CAST: variants seen among roughly 807,000 people sequenced by gnomAD.
The protein encoded by CAST is MIR583 host.
In CAST, 76 loss-of-function variants were observed where a neutral mutation model predicts 119.6. That is an observed-to-expected ratio of 0.64 (90% CI 0.53 to 0.77). The LOEUF (loss-of-function observed/expected upper bound fraction) is 0.77, where lower values mean the gene tolerates loss of function less well. Among genes scored for constraint, CAST ranks in the 30% least tolerant of loss-of-function variants. CAST has a pLI of 0.00. For missense variants in CAST, 953 were observed against 946.5 expected, an observed-to-expected ratio of 1.01 and a Z score of -0.09; for synonymous variants, 319 against 331.6, an observed-to-expected ratio of 0.96 and a Z score of 0.41.
At chr5:96,160,527 G>T in the CAST span, among the ~76,000 whole-genome samples, 1 of 151,966 alleles carries the variant, frequency 6.6e-6, no homozygotes, top group South Asian at 2.1e-4. Context: ...ATACTTTTAG[G>T]TTGTTTTCAC....
At chr5:96,419,380 CTTA>C in the CAST span, among the ~76,000 whole-genome samples, 1 of 120,534 alleles carries the variant, frequency 8.3e-6, no homozygotes, top group African/African-American at 3.4e-5. Flanking sequence ...TTATATAATA[CTTA>C]TTATATATAT....
chr5:96,754,613 G>C, intron 21 of CAST, 45 bp from the exon 22 acceptor site: 1 of 1,162,222 alleles, frequency 8.6e-7, no homozygotes, highest in East Asian at 2.3e-5. Context: ...ATTTTATGGA[G>C]AGAAAAAAAC....
At chr5:96,087,868 T>C in the CAST span, among the ~76,000 whole-genome samples, 1 of 152,226 alleles carries the variant, frequency 6.6e-6, no homozygotes, top group Non-Finnish European at 1.5e-5. Flanking sequence ...TCAGATCAGA[T>C]GGAGTGAAAC....
At chr5:96,297,315 G>A in the CAST span, among the ~76,000 whole-genome samples, 1 of 152,180 alleles carries the variant, frequency 6.6e-6, no homozygotes, top group African/African-American at 2.4e-5. Flanking sequence ...ATAATTTGAG[G>A]AAAAACTTGG....
chr5:96,302,059 G>A, the CAST span, among the ~76,000 whole-genome samples: 1 of 152,148 alleles, frequency 6.6e-6, no homozygotes, highest in African/African-American at 2.4e-5. Flanking sequence ...ATTTCCATAC[G>A]ACCTCTGAAA....
the CAST span, among the ~76,000 whole-genome samples, chr5:96,154,633 TC>T: frequency 2.8e-4 from 43 of 152,214 alleles, no homozygotes; most frequent in African/African-American, 9.2e-4. Flanking sequence ...AGTTGCCGCA[TC>T]CCCATAGATT....
the CAST span, among the ~76,000 whole-genome samples, chr5:96,156,279 G>A: frequency 6.6e-6 from 1 of 152,170 alleles, no homozygotes; most frequent in African/African-American, 2.4e-5. Flanking sequence ...ACCATTATGG[G>A]CTTAGGGGTA....
the CAST span, among the ~76,000 whole-genome samples, chr5:96,172,370 G>C: frequency 6.6e-6 from 1 of 152,176 alleles, no homozygotes; most frequent in Non-Finnish European, 1.5e-5. Context: ...GGATGTATAC[G>C]TGCAGGTCAC....
the CAST span, among the ~76,000 whole-genome samples, chr5:95,997,773 C>T: frequency 2.6e-5 from 4 of 152,074 alleles, no homozygotes; most frequent in Non-Finnish European, 5.9e-5. Flanking sequence ...TCCTCAGAAA[C>T]TCTATGCCAT....
chr5:96,163,144 A>C, the CAST span, among the ~76,000 whole-genome samples: 1 of 152,114 alleles, frequency 6.6e-6, no homozygotes, highest in African/African-American at 2.4e-5. Context: ...GAATTTGTCC[A>C]TTTAATCTAG....
At chr5:95,961,785 C>A in the CAST span, 1 of 1,494,302 alleles carries the variant, frequency 6.7e-7, no homozygotes, top group Non-Finnish European at 8.9e-7. Flanking sequence ...GCGGCCGCGG[C>A]TGCTTGGGCT....
At chr5:96,461,610 C>T in the CAST span, among the ~76,000 whole-genome samples, 4 of 152,062 alleles carry the variant, frequency 2.6e-5, no homozygotes, top group East Asian at 5.8e-4. Context: ...AATGGCCTAC[C>T]GAGGTAAAAC....
chr5:96,476,979 C>A, the CAST span, among the ~76,000 whole-genome samples: 1 of 149,206 alleles, frequency 6.7e-6, no homozygotes, highest in African/African-American at 2.5e-5. Context: ...TTAATTAAGT[C>A]CAAAGATCTC....
chr5:96,709,220 G>A (rs1007709595), intron 3 of CAST, among the ~76,000 whole-genome samples: 1 of 152,256 alleles, frequency 6.6e-6, no homozygotes, highest in Non-Finnish European at 1.5e-5. Flanking sequence ...ATTCTGGACA[G>A]GTGGGCAGTT....
the CAST span, among the ~76,000 whole-genome samples, chr5:96,007,263 A>G: frequency 6.6e-6 from 1 of 152,218 alleles, no homozygotes; most frequent in Non-Finnish European, 1.5e-5. Context: ...TGGAGGTGGT[A>G]CAGAGTGTTC....
chr5:96,557,232 C>T (rs1309000557), intron 1 of CAST, among the ~76,000 whole-genome samples: 1 of 152,062 alleles, frequency 6.6e-6, no homozygotes, highest in Non-Finnish European at 1.5e-5. Flanking sequence ...AAAGGAACAA[C>T]TGGTACCAGC....
chr5:96,218,046 T>A, the CAST span, among the ~76,000 whole-genome samples: 8 of 152,230 alleles, frequency 5.3e-5, no homozygotes, highest in Admixed American at 3.9e-4. Flanking sequence ...GGGGGTGGCC[T>A]CTGAGTAGTA....
the CAST span, among the ~76,000 whole-genome samples, chr5:96,325,039 T>C: frequency 2.0e-5 from 3 of 152,094 alleles, no homozygotes; most frequent in Non-Finnish European, 4.4e-5. Flanking sequence ...ACCTCGTCTC[T>C]ACTAAAAATA....
chr5:96,768,375 C>T (rs762984409), intron 29 of CAST: 7 of 456,982 alleles, frequency 1.5e-5, no homozygotes, highest in South Asian at 6.3e-5. Context: ...TGAGCCACTG[C>T]GCCTGGCCCT....
Sources: gnomAD v4.1 joint callset for allele counts (sites outside exome capture counted in the v4.1 genomes callset) on GRCh38, gnomAD v4.1.1 for gene constraint, MANE v1.5 for transcripts, NCBI Gene and HGNC (gene_info 2026-07-23, HGNC 2026-07-21) for gene names.